The following NWD1 variants were observed in gnomAD, a reference collection of about 807,000 sequenced individuals.
The protein encoded by NWD1 is NACHT and WD repeat domain containing 1.
NWD1 carries 129 observed loss-of-function variants against 135.1 expected under a neutral mutation model. That is an observed-to-expected ratio of 0.96 (90% CI 0.83 to 1.11). NWD1 has a LOEUF of 1.11. Ranked by LOEUF, NWD1 falls within the 50% of genes least tolerant of loss-of-function variation. NWD1 has a pLI of 0.00. For synonymous variants in NWD1, 773 were observed against 786.0 expected (o/e 0.98, Z 0.28); for missense variants, 1,740 against 1,851.3 (o/e 0.94, Z 1.10).
chr19:16,811,951 G>A (rs1970938376), intron 18 of NWD1, among the ~76,000 whole-genome samples: 1 of 152,226 alleles, frequency 6.6e-6, no homozygotes, highest in African/African-American at 2.4e-5. Context: ...AGGAGACGGA[G>A]GTTGCAGTGA....
In NWD1 at chr19:16,797,876, C is replaced by T. The variant is rs544183011; in HGVS notation, c.3449C>T (p.Ala1150Val). ...CTGATCATCACGGGGTCCCTTGATG[C>T]GCTCATTCAGGTGAGGGGAGATCTG... ...NNLIITGSLD[A>V]LIQVWSLSEQ... is the part of the protein sequence containing the mutation. The change falls in exon 16 of 19, where the codon GCG becomes GTG. Residue 1150 changes from alanine to valine, a missense_variant. By Grantham distance (64) the Ala-to-Val change is moderately conservative. Coordinates refer to ENST00000524140, the MANE Select transcript of NWD1 (RefSeq NM_001007525.5). 101 of 1,613,032 alleles carry T rather than the reference C, an allele frequency of 6.3e-5. No homozygotes were observed. The highest frequency in any genetic ancestry group is 5.7e-4 in the Admixed American group (34 of 59,922).
intron 14 of NWD1, among the ~76,000 whole-genome samples, chr19:16,792,981 G>C (rs1007833629): frequency 6.6e-6 from 1 of 151,132 alleles, no homozygotes; most frequent in Non-Finnish European, 1.5e-5. Flanking sequence ...GGAGGTGGAG[G>C]CTGCAGTGAG....
At chr19:16,764,692 CCTCT>C (rs149038284) in intron 9 of NWD1, among the ~76,000 whole-genome samples, 11 of 150,316 alleles carry the variant, frequency 7.3e-5, no homozygotes, top group African/African-American at 2.7e-4. Flanking sequence ...TTTCTATCTC[CCTCT>C]CTCTCTCTCT....
At chr19:16,790,256 G>A (rs1359684661) in intron 13 of NWD1, among the ~76,000 whole-genome samples, 2 of 152,110 alleles carry the variant, frequency 1.3e-5, no homozygotes, top group Non-Finnish European at 2.9e-5. Flanking sequence ...ACCATTCTGA[G>A]TCTTATTGCT....
intron 12 of NWD1, among the ~76,000 whole-genome samples, chr19:16,781,309 T>C (rs1206954319): frequency 6.6e-6 from 1 of 152,180 alleles, no homozygotes; most frequent in Non-Finnish European, 1.5e-5. Flanking sequence ...TGCAGCTTGA[T>C]ATACATAGGA....
At position 16,749,850 on chromosome 19, in the gene NWD1, C is replaced by T. The variant is rs1178453539; in HGVS notation, c.1208C>T (p.Pro403Leu). 7 of 1,612,682 alleles carry T rather than the reference C, an allele frequency of 4.3e-6. No homozygotes were observed. Among genetic ancestry groups the T allele is most frequent in the Non-Finnish European group, 5.9e-6 (7 of 1,179,528 alleles). Reference protein sequence around the residue: ...VCLAYGLPLPPAQVLDAHTRV... With the variant: ...VCLAYGLPLPLAQVLDAHTRV... ...CTGGCCTATGGGCTGCCCTTGCCCC[C>T]TGCCCAGGTTCTGGACGCCCACACC... The change falls in exon 6 of 19, where the codon CCT becomes CTT. Residue 403 changes from proline to leucine, a missense_variant. Transcript: ENST00000524140.
intron 18 of NWD1, among the ~76,000 whole-genome samples, chr19:16,809,721 A>AT (rs1292604079): frequency 2.0e-5 from 3 of 151,276 alleles, no homozygotes; most frequent in Non-Finnish European, 4.4e-5. Context: ...CGCCTGGCTA[A>AT]TTTTTTTGTA....
chr19:16,776,091 A>G (rs1969589961), intron 11 of NWD1, among the ~76,000 whole-genome samples: 1 of 152,164 alleles, frequency 6.6e-6, no homozygotes. Flanking sequence ...TAGTGCTGTG[A>G]TTGATTAATG....
intron 2 of NWD1, among the ~76,000 whole-genome samples, chr19:16,728,361 T>TGC: frequency 6.8e-6 from 1 of 146,644 alleles, no homozygotes; most frequent in East Asian, 2.1e-4. Context: ...CTGGACTCAC[T>TGC]ATTACCTCTG....
rs999867235 is a variant in NWD1, at chr19:16,763,964, C to T, written c.2251+19C>T. 1.4e-6 allele frequency: 2 copies of T among 1,457,360 alleles called. No homozygotes were observed. The highest frequency in any genetic ancestry group is 1.9e-6 in the Non-Finnish European group (2 of 1,037,040). The allele number at this position is 1,457,360 out of a possible 1,614,324, so 90.3% of individuals were successfully genotyped here. On this transcript the variant is annotated intron_variant, in intron 9 of 18. Coordinates refer to ENST00000524140, the MANE Select transcript of NWD1 (RefSeq NM_001007525.5). ...GTTCTGGGTAAGGGCTGCCCCCCAT[C>T]TCAGAGGACCGAGCCTGGTGACTGC... is the stretch of plus-strand genomic sequence containing the variant.
At chr19:16,786,871 A>G (rs1970058271) in intron 12 of NWD1, among the ~76,000 whole-genome samples, 1 of 152,100 alleles carries the variant, frequency 6.6e-6, no homozygotes, top group South Asian at 2.1e-4. Flanking sequence ...TTTTATAAGG[A>G]CAGTAATCCC....
intron 12 of NWD1, among the ~76,000 whole-genome samples, chr19:16,779,788 C>G (rs1212873213): frequency 6.6e-6 from 1 of 152,076 alleles, no homozygotes; most frequent in Non-Finnish European, 1.5e-5. Context: ...AAGCACATAC[C>G]ACTATACCCA....
chr19:16,755,581 G>T (rs1398634230), intron 6 of NWD1, among the ~76,000 whole-genome samples: 3 of 152,080 alleles, frequency 2.0e-5, no homozygotes, highest in Non-Finnish European at 4.4e-5. Flanking sequence ...TAGAGACAGG[G>T]TTTTGCCATA....
intron 4 of NWD1, among the ~76,000 whole-genome samples, chr19:16,738,847 T>G (rs141340847): frequency 0.019 from 2,774 of 143,428 alleles, 126 homozygotes; most frequent in African/African-American, 0.068. Flanking sequence ...ATATATTATA[T>G]ATAATACATT....
chr19:16,791,649 G>T, intron 14 of NWD1, 27 bp downstream of exon 14: 1 of 1,606,790 alleles, frequency 6.2e-7, no homozygotes, highest in Non-Finnish European at 8.5e-7. Flanking sequence ...ACTATGATGT[G>T]AACATTAACT....
chr19:16,762,932 T>C (rs895378952), intron 8 of NWD1, among the ~76,000 whole-genome samples: 4 of 151,826 alleles, frequency 2.6e-5, no homozygotes, highest in Non-Finnish European at 1.5e-5. Flanking sequence ...TACAGGTGTG[T>C]GCCACTGCAC....
At chr19:16,777,854 A>G (rs1328926746) in intron 11 of NWD1, among the ~76,000 whole-genome samples, 2 of 53,220 alleles carry the variant, frequency 3.8e-5, no homozygotes, top group African/African-American at 8.3e-5. Context: ...GGGGAAAGGG[A>G]AGGGAAGAGG....
chr19:16,806,888 G>A (rs1341213798), intron 17 of NWD1, among the ~76,000 whole-genome samples: 2 of 151,442 alleles, frequency 1.3e-5, no homozygotes, highest in South Asian at 4.2e-4. Flanking sequence ...GTGGTGGTGC[G>A]CACCTCTAGT....
chr19:16,771,802 T>A (rs1369981913), intron 10 of NWD1, among the ~76,000 whole-genome samples: 2 of 149,484 alleles, frequency 1.3e-5, no homozygotes, highest in South Asian at 4.2e-4. Context: ...CAACATAACA[T>A]CCTAAATGAT....
Sources: gnomAD v4.1 joint callset for allele counts (sites outside exome capture counted in the v4.1 genomes callset) on GRCh38, gnomAD v4.1.1 for gene constraint, MANE v1.5 for transcripts, NCBI Gene and HGNC (gene_info 2026-07-23, HGNC 2026-07-21) for gene names.